Variants in AIM2 observed in about 807,000 individuals in gnomAD.
The protein encoded by AIM2 is absent in melanoma 2.
In AIM2, 30 loss-of-function variants were observed where a neutral mutation model predicts 27.7. The observed-to-expected ratio is 1.08, with a 90% CI of 0.81 to 1.47. The LOEUF is 1.47. Among genes scored for constraint, AIM2 ranks in the 40% most tolerant of loss-of-function variants. The probability of loss-of-function intolerance (pLI) is 0.00; values close to 1 mark genes in which losing one functional copy is unlikely to be tolerated. For missense variants in AIM2, 358 were observed against 411.3 expected, an observed-to-expected ratio of 0.87 and a Z score of 1.12; for synonymous variants, 141 against 145.3, an observed-to-expected ratio of 0.97 and a Z score of 0.21.
intron 1 of AIM2, among the ~76,000 whole-genome samples, chr1:159,117,634 C>A (rs1055617598): frequency 1.1e-4 from 17 of 151,990 alleles, no homozygotes; most frequent in Admixed American, 8.5e-4. Context: ...CATTCAGGCT[C>A]AGAGCTTTTA....
rs10557540 is a variant in AIM2, at chr1:159,130,800, C to CCACA, written c.-16+9627_-16+9630dup. 1.8e-3 allele frequency among the ~76,000 whole-genome samples: 262 copies of CCACA among 145,156 alleles called. 2 individuals carry two copies. Among genetic ancestry groups the CCACA allele is most frequent in the African/African-American group, 2.9e-3 (111 of 38,516 alleles). On this transcript the variant is annotated intron_variant, in intron 1 of 2. Transcript: ENST00000368129. ...CAAACTATAAATCTAAGCCTGGTCA[C>CCACA]CACACACACACACACACACACACAC...
intron 1 of AIM2, among the ~76,000 whole-genome samples, chr1:159,114,414 C>T (rs1023469129): frequency 6.6e-6 from 1 of 152,160 alleles, no homozygotes; most frequent in Non-Finnish European, 1.5e-5. Flanking sequence ...CACTAGTGTA[C>T]TTCCAGTCTT....
intron 1 of AIM2, among the ~76,000 whole-genome samples, chr1:159,103,837 A>G (rs1657366518): frequency 6.6e-6 from 1 of 152,052 alleles, no homozygotes; most frequent in African/African-American, 2.4e-5. Context: ...CTGACAAATC[A>G]CTTTTCTCTC....
intron 1 of AIM2, among the ~76,000 whole-genome samples, chr1:159,087,727 C>G (rs1314910101): frequency 6.6e-6 from 1 of 152,006 alleles, no homozygotes; most frequent in African/African-American, 2.4e-5. Flanking sequence ...TGCCCACCAC[C>G]ACGCCCAGCT....
intron 1 of AIM2, among the ~76,000 whole-genome samples, chr1:159,138,396 C>T (rs1648050768): frequency 6.6e-6 from 1 of 152,204 alleles, no homozygotes; most frequent in African/African-American, 2.4e-5. Context: ...ACTCAAAAGC[C>T]ACCTCCTCTG....
upstream of AIM2, chr1:159,081,130 A>G: frequency 4.3e-6 from 1 of 232,656 alleles, no homozygotes. Context: ...GAATCATCAT[A>G]CTCAAGACTC....
At chr1:159,081,416 A>G, upstream of AIM2, 1 of 377,020 alleles carries the variant, frequency 2.7e-6, no homozygotes, top group South Asian at 2.0e-5. Context: ...AACCTGAAAT[A>G]ATGCTTGTCA....
rs1009895593 is a variant in AIM2 at position 159,068,719 on chromosome 1, G to A, written c.263-18C>T. 52 of 1,612,060 alleles carry A rather than the reference G, an allele frequency of 3.2e-5. 1 individual carries two copies. In the East Asian group the frequency reaches 1.1e-3, roughly 35 times the overall value. The stretch of plus-strand genomic sequence containing the variant: ...CTTATCAACTGATTAAAAAATGAAA[G>A]ACATGGCCAATAAGCATATAAACAT... On this transcript the variant is annotated intron_variant, in intron 2 of 5. Coordinates refer to ENST00000368130, the MANE Select transcript of AIM2 (RefSeq NM_004833.3).
chr1:159,146,643 C>T (rs1244979481), intron 1 of AIM2, among the ~76,000 whole-genome samples: 1 of 151,856 alleles, frequency 6.6e-6, no homozygotes, highest in Non-Finnish European at 1.5e-5. Context: ...TCTCATCTGC[C>T]CTAGGATCCA....
intron 1 of AIM2, among the ~76,000 whole-genome samples, chr1:159,133,556 T>C (rs1020651271): frequency 6.6e-6 from 1 of 152,146 alleles, no homozygotes; most frequent in African/African-American, 2.4e-5. Flanking sequence ...TCCATCTGCT[T>C]TTTTTACCTA....
At chr1:159,145,106 A>G (rs1340927115), upstream of AIM2, among the ~76,000 whole-genome samples, 1 of 152,128 alleles carries the variant, frequency 6.6e-6, no homozygotes, top group African/African-American at 2.4e-5. Flanking sequence ...CTAAGGAGCT[A>G]GCCCAGGTCT....
Position 159,063,417 on chromosome 1 carries a change from C to G in AIM2, c.1005+69G>C, listed in dbSNP as rs1028522405. ...TATATCCTGTTCAATGGCTCCAGTC[C>G]GGCTTTCTGATAGAAAACAAAAAAT... On this transcript the variant is annotated intron_variant, in intron 5 of 5. Coordinates refer to ENST00000368130, the MANE Select transcript of AIM2 (RefSeq NM_004833.3). 11 of 1,451,832 alleles carry G rather than the reference C, an allele frequency of 7.6e-6. No individual in the cohort carries two copies. The Admixed American group carries it at 2.3e-4, about 30-fold the overall frequency. The allele number at this position is 1,451,832 out of a possible 1,614,324, so 89.9% of individuals were successfully genotyped here. A position where few individuals can be genotyped will look rare whatever the true frequency, so the allele number is the denominator to read the frequency against.
intron 1 of AIM2, among the ~76,000 whole-genome samples, chr1:159,114,696 G>A (rs964310906): frequency 1.3e-5 from 2 of 152,158 alleles, no homozygotes; most frequent in Admixed American, 1.3e-4. Context: ...GGTGACACAG[G>A]GAGACCCTGT....
At chr1:159,075,665 G>A (rs1166439965) in intron 1 of AIM2, among the ~76,000 whole-genome samples, 4 of 150,844 alleles carry the variant, frequency 2.7e-5, no homozygotes, top group Non-Finnish European at 4.4e-5. Flanking sequence ...TGGAATACAT[G>A]GAGAACCATG....
chr1:159,066,268 C>T lies in AIM2; in HGVS notation c.458G>A (p.Cys153Tyr), dbSNP rs768025672. 2 of 1,614,024 alleles carry T rather than the reference C, an allele frequency of 1.2e-6. No individual in the cohort carries two copies. The highest frequency in any genetic ancestry group is 1.7e-5 in the Admixed American group (1 of 59,988). Residue 153 changes from cysteine (C) to tyrosine (Y), a missense_variant, in exon 4 of 6, where the codon TGT becomes TAT. Transcript: ENST00000368130. ...ESIREGFQKRCLPVMVLKAKK... is the reference protein window; with the variant it reads ...ESIREGFQKRYLPVMVLKAKK... ...TGCTTTCAGTACCATAACTGGCAAACAGCGCTTCTGAAACCCTTCTCTGAT... is the reference window on the plus strand; with the variant it reads ...TGCTTTCAGTACCATAACTGGCAAATAGCGCTTCTGAAACCCTTCTCTGAT...
At chr1:159,064,769 G>A (rs958313261) in intron 4 of AIM2, among the ~76,000 whole-genome samples, 1 of 152,162 alleles carries the variant, frequency 6.6e-6, no homozygotes, top group East Asian at 1.9e-4. Flanking sequence ...CCAGCCTGAA[G>A]AGAGCTATTT....
At chr1:159,135,047 G>A (rs1322562391) in intron 1 of AIM2, among the ~76,000 whole-genome samples, 2 of 152,248 alleles carry the variant, frequency 1.3e-5, no homozygotes, top group Middle Eastern at 3.4e-3. Flanking sequence ...GAACTTCTTT[G>A]CTCCATGGAT....
intron 2 of AIM2, among the ~76,000 whole-genome samples, chr1:159,070,448 T>C (rs1312860712): frequency 6.6e-6 from 1 of 152,172 alleles, no homozygotes; most frequent in East Asian, 1.9e-4. Flanking sequence ...AGGTTATATG[T>C]TATCGTGAAA....
intron 1 of AIM2, among the ~76,000 whole-genome samples, chr1:159,094,121 G>T (rs1178029434): frequency 6.6e-6 from 1 of 152,090 alleles, no homozygotes; most frequent in Non-Finnish European, 1.5e-5. Context: ...GAGATAATAA[G>T]ACACAAAATT....
Sources: gnomAD v4.1 joint callset for allele counts (sites outside exome capture counted in the v4.1 genomes callset) on GRCh38, gnomAD v4.1.1 for gene constraint, MANE v1.5 for transcripts, NCBI Gene and HGNC (gene_info 2026-07-23, HGNC 2026-07-21) for gene names.